Variants in PTPRD observed in about 807,000 individuals in gnomAD.
PTPRD encodes protein tyrosine phosphatase receptor type D.
PTPRD carries 34 observed loss-of-function variants against 214.5 expected under a neutral mutation model. The observed-to-expected ratio is 0.16, with a 90% CI of 0.12 to 0.21. The LOEUF is 0.21. Ranked by LOEUF, PTPRD falls within the 10% of genes least tolerant of loss-of-function variation. The pLI, the probability that PTPRD is intolerant of heterozygous loss-of-function variation, is 1.00. For synonymous variants in PTPRD, 1,128 were observed against 845.7 expected (o/e 1.33, Z -5.79); for missense variants, 2,545 against 2,398.7 (o/e 1.06, Z -1.27).
intron 10 of PTPRD, among the ~76,000 whole-genome samples, chr9:9,054,787 G>T (rs936205212): frequency 6.6e-6 from 1 of 152,170 alleles, no homozygotes; most frequent in Admixed American, 6.5e-5. Context: ...AACCCTTGAT[G>T]AGATCACAGT....
chr9:8,992,594 G>A (rs1157940663), intron 11 of PTPRD, among the ~76,000 whole-genome samples: 2 of 152,226 alleles, frequency 1.3e-5, no homozygotes, highest in Admixed American at 1.3e-4. Context: ...TGGTGAGATA[G>A]GGTTCAAGAT....
At chr9:10,153,527 C>T (rs1029741700) in intron 3 of PTPRD, among the ~76,000 whole-genome samples, 14 of 150,848 alleles carry the variant, frequency 9.3e-5, no homozygotes, top group African/African-American at 3.2e-4. Context: ...ATATATGTTG[C>T]TAATATGATG....
At chr9:8,700,139 C>G (rs2098039897) in intron 12 of PTPRD, among the ~76,000 whole-genome samples, 1 of 152,174 alleles carries the variant, frequency 6.6e-6, no homozygotes, top group African/African-American at 2.4e-5. Context: ...AATTTCACTC[C>G]CTTTTTAATC....
chr9:8,494,493 C>T (rs772219697), intron 26 of PTPRD, among the ~76,000 whole-genome samples: 1 of 152,146 alleles, frequency 6.6e-6, no homozygotes, highest in African/African-American at 2.4e-5. Context: ...GACACACTGG[C>T]TATCCCAAAA....
chr9:9,240,992 G>A (rs1290246684), intron 9 of PTPRD, among the ~76,000 whole-genome samples: 3 of 152,028 alleles, frequency 2.0e-5, no homozygotes, highest in African/African-American at 7.2e-5. Flanking sequence ...GAAATGTACA[G>A]GTTTCTGATA....
chr9:9,066,127 ATATT>A (rs57751104), intron 10 of PTPRD, among the ~76,000 whole-genome samples: 30,299 of 151,926 alleles, frequency 0.2, 3,597 homozygotes, highest in South Asian at 0.29. Context: ...ACTGAAGTTA[ATATT>A]TATTTCTTTT....
intron 3 of PTPRD, among the ~76,000 whole-genome samples, chr9:10,111,081 C>T (rs1012632197): frequency 6.6e-6 from 1 of 151,972 alleles, no homozygotes; most frequent in Non-Finnish European, 1.5e-5. Flanking sequence ...GTTCCTGTGC[C>T]ACTTTTAACT....
intron 7 of PTPRD, among the ~76,000 whole-genome samples, chr9:9,686,177 G>T (rs186513593): frequency 1.3e-5 from 2 of 151,060 alleles, no homozygotes; most frequent in South Asian, 2.1e-4. Context: ...CAAATGTTAC[G>T]TATATAATTT....
At chr9:10,525,585 G>A (rs1044312914) in intron 2 of PTPRD, among the ~76,000 whole-genome samples, 1 of 151,962 alleles carries the variant, frequency 6.6e-6, no homozygotes, top group East Asian at 1.9e-4. Context: ...GCTCTTTATT[G>A]TCTTACTTCA....
chr9:10,006,515 C>A (rs965286825), intron 4 of PTPRD, among the ~76,000 whole-genome samples: 3 of 151,828 alleles, frequency 2.0e-5, no homozygotes, highest in Non-Finnish European at 2.9e-5. Flanking sequence ...GGATCATATT[C>A]CCGTTTTACA....
At chr9:8,988,849 G>GA (rs1366774567) in intron 11 of PTPRD, among the ~76,000 whole-genome samples, 4 of 152,066 alleles carry the variant, frequency 2.6e-5, no homozygotes, top group Non-Finnish European at 4.4e-5. Context: ...CTTCTACACA[G>GA]AATTGTTCCA....
At chr9:8,832,233 C>T (rs2097309531) in intron 11 of PTPRD, among the ~76,000 whole-genome samples, 1 of 151,782 alleles carries the variant, frequency 6.6e-6, no homozygotes, top group African/African-American at 2.4e-5. Context: ...TGCATTGATC[C>T]AGTAATCCCC....
chr9:9,674,347 C>G (rs529275679), intron 7 of PTPRD, among the ~76,000 whole-genome samples: 1 of 151,260 alleles, frequency 6.6e-6, no homozygotes, highest in Non-Finnish European at 1.5e-5. Flanking sequence ...GGTTACAGGA[C>G]TATTACCTTC....
chr9:9,646,813 T>A (rs911924887), intron 7 of PTPRD, among the ~76,000 whole-genome samples: 2 of 152,192 alleles, frequency 1.3e-5, no homozygotes, highest in African/African-American at 4.8e-5. Flanking sequence ...CAGGAAAAGA[T>A]GAACAACAAT....
chr9:8,855,057 A>C (rs759731467), intron 11 of PTPRD, among the ~76,000 whole-genome samples: 6 of 152,130 alleles, frequency 3.9e-5, no homozygotes, highest in Non-Finnish European at 8.8e-5. Context: ...ATCATTGTCT[A>C]TAACTAGTAT....
intron 8 of PTPRD, among the ~76,000 whole-genome samples, chr9:9,571,863 T>C (rs946702331): frequency 6.6e-6 from 1 of 151,174 alleles, no homozygotes; most frequent in East Asian, 1.9e-4. Context: ...GCAATTACAA[T>C]TCTAATGCAA....
At chr9:8,911,415 T>TTTTGTG (rs1555510112) in intron 11 of PTPRD, among the ~76,000 whole-genome samples, 5 of 127,732 alleles carry the variant, frequency 3.9e-5, no homozygotes, top group Admixed American at 1.6e-4. Flanking sequence ...TGTGTGTGTG[T>TTTTGTG]TGTGTGTGTG....
At chr9:8,803,618 G>A (rs1384776255) in intron 11 of PTPRD, among the ~76,000 whole-genome samples, 3 of 151,964 alleles carry the variant, frequency 2.0e-5, no homozygotes, top group Non-Finnish European at 4.4e-5. Flanking sequence ...CTATAGTCCT[G>A]GAGGCTGAAG....
intron 8 of PTPRD, among the ~76,000 whole-genome samples, chr9:9,472,357 C>T (rs2094673608): frequency 1.3e-5 from 2 of 151,602 alleles, no homozygotes; most frequent in African/African-American, 4.8e-5. Flanking sequence ...GCGCCCGCCA[C>T]CGCGCCCGGC....
Sources: allele counts gnomAD v4.1 joint callset (sites outside exome capture counted in the v4.1 genomes callset), GRCh38; gene constraint gnomAD v4.1.1; transcripts MANE v1.5; gene names NCBI Gene and HGNC (gene_info 2026-07-23, HGNC 2026-07-21).